HIVEP1: variants seen among roughly 807,000 people sequenced by gnomAD.
HIVEP1 encodes zinc finger protein 40.
In HIVEP1, 36 loss-of-function variants were observed where a neutral mutation model predicts 180.0. The observed-to-expected ratio is 0.20, with a 90% CI of 0.15 to 0.26. The LOEUF (loss-of-function observed/expected upper bound fraction) is 0.26. Ranked by LOEUF, HIVEP1 falls within the 10% of genes least tolerant of loss-of-function variation. The pLI is 1.00. For synonymous variants in HIVEP1, 1,239 were observed against 1,239.0 expected (o/e 1.00, Z 0.00); for missense variants, 3,143 against 3,268.7 (o/e 0.96, Z 0.94).
At chr6:12,019,484 C>T (rs996977822) in intron 2 of HIVEP1, among the ~76,000 whole-genome samples, 15 of 152,160 alleles carry the variant, frequency 9.9e-5, no homozygotes, top group Admixed American at 2.0e-4. Context: ...TAGAAGACAT[C>T]TCTAATGCGA....
chr6:12,011,645 CG>C (rs1767316066), upstream of HIVEP1, among the ~76,000 whole-genome samples: 1 of 146,520 alleles, frequency 6.8e-6, no homozygotes, highest in African/African-American at 2.5e-5. Flanking sequence ...CCGGGCGGGG[CG>C]GGGAGGGGCG....
chr6:12,073,832 A>G (rs1772151227), intron 2 of HIVEP1, among the ~76,000 whole-genome samples: 3 of 152,092 alleles, frequency 2.0e-5, no homozygotes, highest in Non-Finnish European at 2.9e-5. Flanking sequence ...CACTCTGGGA[A>G]GCCTCCTGAG....
chr6:12,134,016 A>G (rs1361677488), intron 6 of HIVEP1, among the ~76,000 whole-genome samples: 2 of 152,084 alleles, frequency 1.3e-5, no homozygotes, highest in Non-Finnish European at 2.9e-5. Context: ...GGACCTTATA[A>G]TTTGGTTTGT....
the HIVEP1 span, among the ~76,000 whole-genome samples, chr6:12,175,561 A>T: frequency 6.6e-6 from 1 of 152,278 alleles, no homozygotes; most frequent in Non-Finnish European, 1.5e-5. Context: ...ATCACATGCA[A>T]GTCCATGGTC....
chr6:12,171,848 G>A, the HIVEP1 span, among the ~76,000 whole-genome samples: 1 of 152,132 alleles, frequency 6.6e-6, no homozygotes, highest in Non-Finnish European at 1.5e-5. Flanking sequence ...AGACTGCAAG[G>A]TTAAACATTC....
chr6:12,059,467 G>A (rs1352429535), intron 2 of HIVEP1, among the ~76,000 whole-genome samples: 1 of 152,208 alleles, frequency 6.6e-6, no homozygotes, highest in Non-Finnish European at 1.5e-5. Context: ...TTGTGTTATT[G>A]TGTTATCTAG....
intron 7 of HIVEP1, among the ~76,000 whole-genome samples, chr6:12,159,191 CGTGT>C (rs571300949): frequency 7.9e-5 from 12 of 151,086 alleles, no homozygotes; most frequent in African/African-American, 2.2e-4. Flanking sequence ...TTAGGCTGTA[CGTGT>C]GTGTGTGTGT....
At chr6:12,023,959 T>C (rs1322889832) in intron 2 of HIVEP1, among the ~76,000 whole-genome samples, 1 of 152,224 alleles carries the variant, frequency 6.6e-6, no homozygotes, top group Non-Finnish European at 1.5e-5. Flanking sequence ...TGGGCTAAAG[T>C]TGATTCTTGT....
chr6:12,153,084 A>G (rs1054863679), intron 7 of HIVEP1, among the ~76,000 whole-genome samples: 3 of 152,256 alleles, frequency 2.0e-5, no homozygotes, highest in African/African-American at 7.2e-5. Context: ...ATAATGCAGT[A>G]TATTTGAAAT....
At chr6:12,183,326 C>G in the HIVEP1 span, among the ~76,000 whole-genome samples, 2 of 152,078 alleles carry the variant, frequency 1.3e-5, no homozygotes, top group South Asian at 4.1e-4. Context: ...AGAAGGAGAA[C>G]TAAGTGAGAG....
intron 2 of HIVEP1, among the ~76,000 whole-genome samples, chr6:12,067,723 A>G (rs1388134000): frequency 6.6e-6 from 1 of 152,060 alleles, no homozygotes; most frequent in Non-Finnish European, 1.5e-5. Flanking sequence ...TCCCCAGACC[A>G]TGCACTCCAT....
At chr6:12,055,043 A>G (rs537930823) in intron 2 of HIVEP1, among the ~76,000 whole-genome samples, 165 of 152,368 alleles carry the variant, frequency 1.1e-3, no homozygotes, top group African/African-American at 3.9e-3. Flanking sequence ...TGTAGAGTTT[A>G]CTGCCTAGTG....
chr6:12,174,431 G>A, the HIVEP1 span, among the ~76,000 whole-genome samples: 1 of 152,138 alleles, frequency 6.6e-6, no homozygotes, highest in South Asian at 2.1e-4. Flanking sequence ...AAAATATTTA[G>A]TATATGGTAC....
At chr6:12,141,761 C>T (rs1236697678) in intron 7 of HIVEP1, among the ~76,000 whole-genome samples, 2 of 124,582 alleles carry the variant, frequency 1.6e-5, no homozygotes, top group African/African-American at 6.1e-5. Context: ...ACAGACTAAA[C>T]CAGTAAAGAT....
At chr6:12,118,276 CA>C (rs1219088165) in intron 3 of HIVEP1, among the ~76,000 whole-genome samples, 7 of 151,800 alleles carry the variant, frequency 4.6e-5, no homozygotes, top group Admixed American at 4.6e-4. Context: ...ATTTTATTCT[CA>C]ATAAGTAGTT....
chr6:12,118,930 C>T (rs1167578396), intron 3 of HIVEP1, among the ~76,000 whole-genome samples: 1 of 152,066 alleles, frequency 6.6e-6, no homozygotes, highest in East Asian at 1.9e-4. Context: ...TTAAAAGAAC[C>T]TTAATGAGAT....
intron 3 of HIVEP1, among the ~76,000 whole-genome samples, chr6:12,109,582 G>T (rs1262119507): frequency 1.3e-5 from 2 of 152,184 alleles, no homozygotes; most frequent in Non-Finnish European, 2.9e-5. Flanking sequence ...ATCCATTCAA[G>T]CCTTATCGTG....
chr6:12,068,907 C>T (rs116233076), intron 2 of HIVEP1, among the ~76,000 whole-genome samples: 3,934 of 152,228 alleles, frequency 0.026, 181 homozygotes, highest in African/African-American at 0.09. Flanking sequence ...CCTTTACTTG[C>T]CTCTGCTCTT....
rs769943679 is a variant in HIVEP1 at position 12,120,590 on chromosome 6, T to C, written c.795T>C (p.His265=). ...SQSSCTSYTV[H]MSAAQKNEQG... The stretch of plus-strand genomic sequence containing the variant: ...CTTCTTGTACCTCATACACAGTCCA[T>C]ATGTCTGCTGCTCAGAAGAATGAGC... Residue 265 remains histidine, a synonymous_variant, in exon 4 of 9, where the codon CAT becomes CAC. Transcript: ENST00000379388. 6.2e-7 allele frequency: 1 copy of C among 1,614,176 alleles called. No individual in the cohort carries two copies. The highest frequency in any genetic ancestry group is 2.2e-5 in the East Asian group (1 of 44,892).
Sources: allele counts gnomAD v4.1 joint callset (sites outside exome capture counted in the v4.1 genomes callset), GRCh38; gene constraint gnomAD v4.1.1; transcripts MANE v1.5; gene names NCBI Gene and HGNC (gene_info 2026-07-23, HGNC 2026-07-21).